CNTNAP2: variants seen among roughly 807,000 people sequenced by gnomAD.
CNTNAP2 encodes contactin-associated protein-like 2.
CNTNAP2 carries 98 observed loss-of-function variants against 155.2 expected under a neutral mutation model. The observed-to-expected ratio is 0.63, with a 90% CI of 0.54 to 0.75. The LOEUF is 0.75. Ranked by LOEUF, CNTNAP2 falls within the 30% of genes least tolerant of loss-of-function variation. CNTNAP2 has a pLI of 0.00. For missense variants in CNTNAP2, 1,727 were observed against 1,688.1 expected, an observed-to-expected ratio of 1.02 and a Z score of -0.40; for synonymous variants, 651 against 631.2, an observed-to-expected ratio of 1.03 and a Z score of -0.47.
chr7:146,927,645 C>T (rs1390325645), intron 3 of CNTNAP2, among the ~76,000 whole-genome samples: 1 of 151,798 alleles, frequency 6.6e-6, no homozygotes. Flanking sequence ...TAAGGTAACA[C>T]ATTTCTATGA....
At chr7:147,424,838 C>T (rs1797352850) in intron 10 of CNTNAP2, among the ~76,000 whole-genome samples, 1 of 152,118 alleles carries the variant, frequency 6.6e-6, no homozygotes, top group Admixed American at 6.6e-5. Flanking sequence ...AACCAAAAAC[C>T]TTAGCTTCAT....
chr7:148,413,492 G>A (rs1799903286), intron 23 of CNTNAP2, among the ~76,000 whole-genome samples: 1 of 140,944 alleles, frequency 7.1e-6, no homozygotes, highest in Non-Finnish European at 1.5e-5. Flanking sequence ...TTAGTGTCAG[G>A]ATAATGCTGG....
intron 10 of CNTNAP2, among the ~76,000 whole-genome samples, chr7:147,405,564 T>C (rs374789970): frequency 9.2e-5 from 14 of 152,336 alleles, no homozygotes; most frequent in African/African-American, 3.4e-4. Context: ...GAGTCAGTTG[T>C]TCATTCCTGA....
chr7:148,343,111 C>G (rs1191519739), intron 21 of CNTNAP2, among the ~76,000 whole-genome samples: 1 of 152,246 alleles, frequency 6.6e-6, no homozygotes, highest in Non-Finnish European at 1.5e-5. Flanking sequence ...AATGAAGTGT[C>G]TGAGGTCCCC....
chr7:147,751,840 G>A (rs1215035001), intron 13 of CNTNAP2, among the ~76,000 whole-genome samples: 1 of 152,106 alleles, frequency 6.6e-6, no homozygotes, highest in African/African-American at 2.4e-5. Flanking sequence ...TATGCTTAGG[G>A]GTTACCTGTA....
At chr7:146,216,259 T>C (rs1799111156) in intron 1 of CNTNAP2, among the ~76,000 whole-genome samples, 1 of 152,140 alleles carries the variant, frequency 6.6e-6, no homozygotes, top group Admixed American at 6.5e-5. Context: ...AGGCAGTGGT[T>C]GATGAGGTGA....
intron 3 of CNTNAP2, among the ~76,000 whole-genome samples, chr7:146,842,994 CTTTTTTTTTTT>C (rs35387068): frequency 5.9e-4 from 8 of 13,668 alleles, no homozygotes; most frequent in African/African-American, 1.4e-3. Flanking sequence ...CTGTCCCACA[CTTTTTTTTTTT>C]TTTTTTTTTT....
intron 17 of CNTNAP2, among the ~76,000 whole-genome samples, chr7:148,166,093 G>T (rs1278832376): frequency 6.6e-6 from 1 of 151,818 alleles, no homozygotes; most frequent in South Asian, 2.1e-4. Context: ...TGAAATTGCA[G>T]CCTCCCCCAC....
intron 1 of CNTNAP2, among the ~76,000 whole-genome samples, chr7:146,607,021 A>G (rs998954430): frequency 1.3e-5 from 2 of 152,208 alleles, no homozygotes; most frequent in African/African-American, 2.4e-5. Context: ...TGAGAAATCA[A>G]TAAATACACA....
rs200534999 is a variant in CNTNAP2 at position 146,748,148 on chromosome 7, T to C, written c.98-26123T>C. Among the ~76,000 whole-genome samples, 109 of 111,990 alleles carry C rather than the reference T, an allele frequency of 9.7e-4. 1 individual carries two copies. The highest frequency in any genetic ancestry group is 2.9e-3 in the East Asian group (6 of 2,066). 73.5% of individuals were successfully genotyped at this position (111,990 alleles called of 152,430 possible). A position where few individuals can be genotyped will look rare whatever the true frequency, so the allele number is the denominator to read the frequency against. On this transcript the variant is annotated intron_variant, in intron 1 of 23. Coordinates refer to ENST00000361727, the MANE Select transcript of CNTNAP2 (RefSeq NM_014141.6). The stretch of plus-strand genomic sequence containing the variant: ...GTTTTCTTTTCTTTTCTTTTCTTTT[T>C]TTTTTTTTTTTTTTTGAGAAGGCGT...
At chr7:146,128,403 T>C (rs1399010178) in intron 1 of CNTNAP2, among the ~76,000 whole-genome samples, 1 of 152,206 alleles carries the variant, frequency 6.6e-6, no homozygotes, top group Non-Finnish European at 1.5e-5. Flanking sequence ...CTTCCTTGCA[T>C]TGATACAGAT....
At chr7:147,084,472 A>G (rs906509443) in intron 4 of CNTNAP2, among the ~76,000 whole-genome samples, 138 of 142,438 alleles carry the variant, frequency 9.7e-4, no homozygotes, top group African/African-American at 3.2e-3. Context: ...ATATATGTAT[A>G]TACACATATA....
chr7:147,405,547 T>G (rs545355988), intron 10 of CNTNAP2, among the ~76,000 whole-genome samples: 57 of 152,302 alleles, frequency 3.7e-4, no homozygotes, highest in Non-Finnish European at 6.5e-4. Context: ...CCTAACATGC[T>G]GTGTGGGAGT....
At chr7:147,541,450 CTGT>C (rs202040003) in intron 11 of CNTNAP2, among the ~76,000 whole-genome samples, 35 of 152,268 alleles carry the variant, frequency 2.3e-4, no homozygotes, top group African/African-American at 7.2e-4. Flanking sequence ...GCTCAAACAG[CTGT>C]TGTTGTTGTT....
chr7:148,049,564 G>A (rs902318378), intron 15 of CNTNAP2, among the ~76,000 whole-genome samples: 7 of 152,090 alleles, frequency 4.6e-5, no homozygotes, highest in Non-Finnish European at 7.4e-5. Context: ...TCGTTTAGTC[G>A]ACAGTGGACC....
At chr7:146,934,494 T>C (rs1190494649) in intron 3 of CNTNAP2, among the ~76,000 whole-genome samples, 4 of 151,556 alleles carry the variant, frequency 2.6e-5, no homozygotes, top group Non-Finnish European at 5.9e-5. Flanking sequence ...ATATACCTAA[T>C]GCTAAATGAC....
intron 21 of CNTNAP2, among the ~76,000 whole-genome samples, chr7:148,360,377 A>G (rs1359700865): frequency 1.3e-5 from 2 of 152,222 alleles, no homozygotes; most frequent in East Asian, 3.8e-4. Context: ...TGAAGCAACG[A>G]AGGAAATTGC....
At chr7:148,410,835 A>G (rs1799818671) in intron 23 of CNTNAP2, among the ~76,000 whole-genome samples, 1 of 152,158 alleles carries the variant, frequency 6.6e-6, no homozygotes, top group African/African-American at 2.4e-5. Flanking sequence ...GGGTGCAAAC[A>G]TACAGTAAGA....
chr7:146,134,130 A>G (rs1387822935), intron 1 of CNTNAP2, among the ~76,000 whole-genome samples: 4 of 151,554 alleles, frequency 2.6e-5, no homozygotes, highest in East Asian at 3.9e-4. Context: ...GGTCCTTCAC[A>G]TCCCTTGTAA....
Sources: gnomAD v4.1 joint callset for allele counts (sites outside exome capture counted in the v4.1 genomes callset) on GRCh38, gnomAD v4.1.1 for gene constraint, MANE v1.5 for transcripts, NCBI Gene and HGNC (gene_info 2026-07-23, HGNC 2026-07-21) for gene names.